The following FBXL17 variants were observed in gnomAD, a reference collection of about 807,000 sequenced individuals.
FBXL17 encodes F-box and leucine rich repeat protein 17.
Under a neutral mutation model 66.2 loss-of-function variants are expected in FBXL17, and 22 were observed. That is an observed-to-expected ratio of 0.33 (90% CI 0.24 to 0.47). FBXL17 has a LOEUF of 0.47. FBXL17 is among the 20% of genes least tolerant of loss of function. FBXL17 has a pLI of 1.00. For missense variants in FBXL17, 878 were observed against 948.2 expected, an observed-to-expected ratio of 0.93 and a Z score of 0.97; for synonymous variants, 474 against 400.5, an observed-to-expected ratio of 1.18 and a Z score of -2.19.
chr5:108,380,897 G>T lies in FBXL17; in HGVS notation c.795C>A (p.Pro265=). 8.1e-7 allele frequency: 1 copy of T among 1,234,666 alleles called. No homozygotes were observed. Among genetic ancestry groups the T allele is most frequent in the Non-Finnish European group, 1.0e-6 (1 of 984,398 alleles). The allele number at this position is 1,234,666 out of a possible 1,614,324, so 76.5% of individuals were successfully genotyped here. ...CTTCGGTGGGGGCACCTTCGGAGGTGGGAGAAGAGGGCGGAGGGCAGAGCG... is the reference window on the plus strand; with the variant it reads ...CTTCGGTGGGGGCACCTTCGGAGGTTGGAGAAGAGGGCGGAGGGCAGAGCG... ...PQPLCPPPSS[P]TSEGAPTEAG... is the part of the protein sequence containing the mutation. The change falls in exon 1 of 9, where the codon CCC becomes CCA. Residue 265 remains proline, a synonymous_variant. Coordinates refer to ENST00000542267, the MANE Select transcript of FBXL17 (RefSeq NM_001163315.3).
intron 7 of FBXL17, among the ~76,000 whole-genome samples, chr5:108,015,079 C>A (rs923205005): frequency 6.6e-6 from 1 of 152,062 alleles, no homozygotes; most frequent in Non-Finnish European, 1.5e-5. Flanking sequence ...GAGACACAGC[C>A]AAACCATATC....
chr5:108,151,127 T>C (rs1250574135), intron 6 of FBXL17, among the ~76,000 whole-genome samples: 1 of 152,134 alleles, frequency 6.6e-6, no homozygotes, highest in Admixed American at 6.6e-5. Context: ...AAGAGTCTCT[T>C]TTTTTCCCTA....
chr5:108,352,632 T>C (rs1360141171), intron 3 of FBXL17, among the ~76,000 whole-genome samples: 1 of 152,006 alleles, frequency 6.6e-6, no homozygotes, highest in Non-Finnish European at 1.5e-5. Context: ...TGCCTCAGCC[T>C]CCCGAGTAGC....
At chr5:108,194,574 A>G (rs181355343) in intron 5 of FBXL17, among the ~76,000 whole-genome samples, 36 of 152,146 alleles carry the variant, frequency 2.4e-4, no homozygotes, top group Admixed American at 2.1e-3. Context: ...CCCTTCCCTG[A>G]TCGCTTCCTT....
At chr5:108,032,522 C>A (rs975241663) in intron 6 of FBXL17, among the ~76,000 whole-genome samples, 3 of 152,072 alleles carry the variant, frequency 2.0e-5, no homozygotes, top group Non-Finnish European at 1.5e-5. Flanking sequence ...CAATCACTAG[C>A]ATACTCACAA....
chr5:108,029,888 G>A (rs1297886869), intron 6 of FBXL17, among the ~76,000 whole-genome samples: 5 of 151,890 alleles, frequency 3.3e-5, no homozygotes, highest in African/African-American at 9.7e-5. Context: ...TGAATCTTAC[G>A]TAGCTTCTCA....
At chr5:108,259,281 T>C (rs1302733368) in intron 4 of FBXL17, among the ~76,000 whole-genome samples, 1 of 152,246 alleles carries the variant, frequency 6.6e-6, no homozygotes, top group African/African-American at 2.4e-5. Context: ...TGGGATATGA[T>C]GGTTTTGTGG....
chr5:108,252,688 A>T (rs994797393), intron 4 of FBXL17, among the ~76,000 whole-genome samples: 2 of 152,152 alleles, frequency 1.3e-5, no homozygotes, highest in Non-Finnish European at 2.9e-5. Flanking sequence ...ATGAACACAT[A>T]TAAGACCATC....
At chr5:107,980,664 A>ATATATATATATTTTTTTTTTTTTTTTTTT in intron 7 of FBXL17, among the ~76,000 whole-genome samples, 1 of 62,104 alleles carries the variant, frequency 1.6e-5, no homozygotes, top group African/African-American at 1.0e-4. Context: ...ATATATATAT[A>ATATATATATATTTTTTTTTTTTTTTTTTT]TTTTTTTTTT....
intron 6 of FBXL17, among the ~76,000 whole-genome samples, chr5:108,113,737 T>A (rs544520356): frequency 6.6e-5 from 10 of 152,262 alleles, no homozygotes; most frequent in African/African-American, 2.4e-4. Flanking sequence ...AATTTAGGTA[T>A]TTTAAAATTC....
intron 1 of FBXL17, among the ~76,000 whole-genome samples, chr5:108,374,926 T>C (rs1359275965): frequency 6.6e-6 from 1 of 152,006 alleles, no homozygotes; most frequent in African/African-American, 2.4e-5. Flanking sequence ...CAACCTAAAC[T>C]TCTACCTCAA....
At chr5:107,885,395 C>A (rs185717186) in intron 7 of FBXL17, among the ~76,000 whole-genome samples, 23 of 152,206 alleles carry the variant, frequency 1.5e-4, no homozygotes, top group African/African-American at 5.5e-4. Context: ...CAAGAAATTC[C>A]ATTTCTAGGA....
chr5:108,265,978 T>C (rs1221140167), intron 4 of FBXL17, among the ~76,000 whole-genome samples: 4 of 152,168 alleles, frequency 2.6e-5, no homozygotes, highest in Admixed American at 6.5e-5. Flanking sequence ...CAGAAATACT[T>C]AGTTGCCCTT....
At chr5:107,993,040 C>T (rs955081371) in intron 7 of FBXL17, among the ~76,000 whole-genome samples, 2 of 152,038 alleles carry the variant, frequency 1.3e-5, no homozygotes, top group Non-Finnish European at 2.9e-5. Context: ...GGACCACAGG[C>T]GCCCGCCACC....
At chr5:108,301,506 A>G (rs1435125682) in intron 4 of FBXL17, among the ~76,000 whole-genome samples, 1 of 151,838 alleles carries the variant, frequency 6.6e-6, no homozygotes, top group East Asian at 1.9e-4. Flanking sequence ...GGGGAAAAAA[A>G]GTAAATATTA....
intron 4 of FBXL17, among the ~76,000 whole-genome samples, chr5:108,264,969 G>A (rs920147321): frequency 2.6e-5 from 4 of 151,488 alleles, no homozygotes; most frequent in Non-Finnish European, 5.9e-5. Context: ...CATTGTCATA[G>A]GTCAAAAGCC....
chr5:107,879,821 CT>C, intron 8 of FBXL17: 1 of 985,366 alleles, frequency 1.0e-6, no homozygotes, highest in Non-Finnish European at 1.2e-6. Flanking sequence ...TGAACTGGAC[CT>C]TTTCCAAGGG....
Position 107,940,448 on chromosome 5 carries a change from A to C in FBXL17, c.1823-59269T>G, listed in dbSNP as rs554453827. ...GCATGCAAGGTACAGAGAGGAGTGA[A>C]TGTTGCCTGGAAGAATCAGGGAAGG... On this transcript the variant is annotated intron_variant, in intron 7 of 8. Transcript: ENST00000542267. Among the ~76,000 whole-genome samples the C allele has an allele frequency of 1.2e-4, 19 of 152,274 alleles. No individual in the cohort carries two copies. The South Asian group carries it at 3.9e-3, about 32-fold the overall frequency.
chr5:108,178,665 G>C (rs7713705), intron 6 of FBXL17, among the ~76,000 whole-genome samples: 75,685 of 151,970 alleles, frequency 0.5, 19,656 homozygotes, highest in East Asian at 0.76. Flanking sequence ...CACCTAACCA[G>C]GCACATTATT....
Sources: gnomAD v4.1 joint callset for allele counts (sites outside exome capture counted in the v4.1 genomes callset) on GRCh38, gnomAD v4.1.1 for gene constraint, MANE v1.5 for transcripts, NCBI Gene and HGNC (gene_info 2026-07-23, HGNC 2026-07-21) for gene names.